The following PDZRN4 variants were observed in gnomAD, a reference collection of about 807,000 sequenced individuals.
PDZRN4 encodes the protein PDZ domain containing ring finger 4, also known as PDZ domain-containing RING finger protein 4.
Under a neutral mutation model 99.0 loss-of-function variants are expected in PDZRN4, and 70 were observed. The ratio of observed to expected loss-of-function variants is 0.71; its 90% CI spans 0.58 to 0.86. The LOEUF (loss-of-function observed/expected upper bound fraction) is 0.86, where lower values mean the gene tolerates loss of function less well. Ranked by LOEUF, PDZRN4 falls within the 40% of genes least tolerant of loss-of-function variation. PDZRN4 has a pLI of 0.00. For missense variants in PDZRN4, 1,474 were observed against 1,331.2 expected (o/e 1.11, Z -1.67); for synonymous variants, 551 against 501.6 (o/e 1.10, Z -1.32).
chr12:41,421,825 A>G (rs1014236092), intron 3 of PDZRN4, among the ~76,000 whole-genome samples: 9 of 152,194 alleles, frequency 5.9e-5, no homozygotes, highest in African/African-American at 1.9e-4. Flanking sequence ...TCTGAAAAAT[A>G]GTAAAGTATT....
chr12:41,299,400 C>A (rs1027398635), intron 3 of PDZRN4, among the ~76,000 whole-genome samples: 37 of 152,090 alleles, frequency 2.4e-4, no homozygotes, highest in African/African-American at 8.4e-4. Context: ...TCTTGAATCT[C>A]AGAATGCTTC....
intron 3 of PDZRN4, among the ~76,000 whole-genome samples, chr12:41,273,537 G>T (rs1591993010): frequency 6.6e-6 from 1 of 152,218 alleles, no homozygotes; most frequent in Admixed American, 6.6e-5. Flanking sequence ...ATCTCCCAGA[G>T]ATGGGGGAAG....
intron 3 of PDZRN4, among the ~76,000 whole-genome samples, chr12:41,207,034 T>TC (rs1459821337): frequency 6.6e-6 from 1 of 151,956 alleles, no homozygotes; most frequent in Non-Finnish European, 1.5e-5. Context: ...ACAAATCCTT[T>TC]CACTTCTTCT....
rs545427553 is a variant in PDZRN4, at chr12:41,323,960, C to G, written c.843+129772C>G. Among the ~76,000 whole-genome samples, 5 of 151,928 alleles carry G rather than the reference C, an allele frequency of 3.3e-5. No individual in the cohort carries two copies. The East Asian group carries it at 7.7e-4, about 24-fold the overall frequency. ...TAGCTGTGTGGCTCTTAAACGTAAA[C>G]AACTGTTTAGGCTTATTTCTTTTGA... is the stretch of plus-strand genomic sequence containing the variant. On this transcript the variant is annotated intron_variant, in intron 3 of 9. Coordinates refer to ENST00000402685, the MANE Select transcript of PDZRN4 (RefSeq NM_001164595.2).
chr12:41,417,874 C>G (rs1952457236), intron 3 of PDZRN4, among the ~76,000 whole-genome samples: 1 of 152,138 alleles, frequency 6.6e-6, no homozygotes, highest in Non-Finnish European at 1.5e-5. Context: ...CAAGATTTCA[C>G]CACACTTTCA....
At chr12:41,544,550 C>G (rs1197094131) in intron 5 of PDZRN4, among the ~76,000 whole-genome samples, 1 of 152,120 alleles carries the variant, frequency 6.6e-6, no homozygotes, top group African/African-American at 2.4e-5. Flanking sequence ...TGTTTCATAT[C>G]TAATGCTGTG....
chr12:41,211,851 T>A (rs1353382026), intron 3 of PDZRN4, among the ~76,000 whole-genome samples: 1 of 152,006 alleles, frequency 6.6e-6, no homozygotes, highest in Non-Finnish European at 1.5e-5. Flanking sequence ...TCACGAGGCA[T>A]TTAATTGTGC....
intron 3 of PDZRN4, among the ~76,000 whole-genome samples, chr12:41,258,571 A>G (rs1025862526): frequency 6.6e-6 from 1 of 152,316 alleles, no homozygotes; most frequent in Non-Finnish European, 1.5e-5. Flanking sequence ...CATAAAATAC[A>G]TGATGAAAAT....
intron 3 of PDZRN4, among the ~76,000 whole-genome samples, chr12:41,238,776 C>A (rs905220062): frequency 6.6e-6 from 1 of 151,690 alleles, no homozygotes; most frequent in East Asian, 1.9e-4. Flanking sequence ...TAAAAAACTC[C>A]GAAGTGCTAT....
intron 7 of PDZRN4, among the ~76,000 whole-genome samples, chr12:41,559,879 G>A (rs113599240): frequency 5.0e-4 from 76 of 152,166 alleles, no homozygotes; most frequent in African/African-American, 1.7e-3. Context: ...GTTTTATAAT[G>A]GGCTTTTTTC....
chr12:41,521,377 G>A (rs796109630), intron 5 of PDZRN4, among the ~76,000 whole-genome samples: 3 of 151,972 alleles, frequency 2.0e-5, no homozygotes, highest in Non-Finnish European at 4.4e-5. Context: ...TTACCAAATA[G>A]GAATTTGCTG....
Position 41,455,006 on chromosome 12 carries a change from C to T in PDZRN4, c.844-51450C>T, listed in dbSNP as rs188075781. On this transcript the variant is annotated intron_variant, in intron 3 of 9. Coordinates refer to ENST00000402685, the MANE Select transcript of PDZRN4 (RefSeq NM_001164595.2). ...TTTTAGCCAATTTAAATTTCAGTTG[C>T]CACATGTGGCTAGACTATTGTATTG... Among the ~76,000 whole-genome samples, 9 of 152,258 alleles carry T rather than the reference C, an allele frequency of 5.9e-5. No individual in the cohort carries two copies. The East Asian group carries it at 1.7e-3, about 29-fold the overall frequency.
intron 3 of PDZRN4, among the ~76,000 whole-genome samples, chr12:41,241,784 G>T (rs942589581): frequency 6.6e-6 from 1 of 152,000 alleles, no homozygotes; most frequent in Non-Finnish European, 1.5e-5. Context: ...ATCACTGAAC[G>T]CTTTCCTGGG....
chr12:41,475,117 C>A (rs1953028564), intron 3 of PDZRN4, among the ~76,000 whole-genome samples: 1 of 152,094 alleles, frequency 6.6e-6, no homozygotes, highest in South Asian at 2.1e-4. Flanking sequence ...GAAGTGATTT[C>A]TAGGTTCTCT....
chr12:41,547,842 A>G (rs926629371), intron 5 of PDZRN4, among the ~76,000 whole-genome samples: 1 of 152,130 alleles, frequency 6.6e-6, no homozygotes, highest in African/African-American at 2.4e-5. Context: ...TAGGTCATTG[A>G]TGACTTTTTA....
At chr12:41,548,995 C>T (rs999225763) in intron 5 of PDZRN4, among the ~76,000 whole-genome samples, 2 of 152,046 alleles carry the variant, frequency 1.3e-5, no homozygotes, top group Admixed American at 1.3e-4. Flanking sequence ...ACTTTAGACG[C>T]GTCCCCAGAA....
At chr12:41,316,841 C>A (rs1951641491) in intron 3 of PDZRN4, among the ~76,000 whole-genome samples, 1 of 151,432 alleles carries the variant, frequency 6.6e-6, no homozygotes, top group Non-Finnish European at 1.5e-5. Context: ...TGCCAGAACA[C>A]CTGGCCTCCA....
chr12:41,570,144 T>C (rs1451178576), intron 9 of PDZRN4, among the ~76,000 whole-genome samples: 1 of 152,188 alleles, frequency 6.6e-6, no homozygotes, highest in Non-Finnish European at 1.5e-5. Context: ...GAGGTAACAC[T>C]AGATGCCTCT....
At chr12:41,394,778 T>TGAGA (rs112076468) in intron 3 of PDZRN4, among the ~76,000 whole-genome samples, 2 of 146,930 alleles carry the variant, frequency 1.4e-5, no homozygotes, top group Admixed American at 6.8e-5. Flanking sequence ...TTAGAGTAAA[T>TGAGA]GAGAGAGAGA....
Sources: allele counts gnomAD v4.1 joint callset (sites outside exome capture counted in the v4.1 genomes callset), GRCh38; gene constraint gnomAD v4.1.1; transcripts MANE v1.5; gene names NCBI Gene and HGNC (gene_info 2026-07-23, HGNC 2026-07-21).